The following MICAL3 variants were observed in gnomAD, a reference collection of about 807,000 sequenced individuals.
MICAL3 encodes the protein [F-actin]-monooxygenase MICAL3.
A neutral mutation model predicts 207.4 loss-of-function variants in MICAL3; 62 were observed. The observed-to-expected ratio is 0.30, with a 90% CI of 0.24 to 0.37. MICAL3 has a LOEUF of 0.37. Ranked by LOEUF, MICAL3 falls within the 10% of genes least tolerant of loss-of-function variation. MICAL3 has a pLI of 1.00. For synonymous variants in MICAL3, 1,077 were observed against 1,069.3 expected, an observed-to-expected ratio of 1.01 and a Z score of -0.14; for missense variants, 2,368 against 2,635.6, an observed-to-expected ratio of 0.90 and a Z score of 2.22.
intron 1 of MICAL3, among the ~76,000 whole-genome samples, chr22:17,980,082 G>C (rs1314659023): frequency 1.3e-5 from 2 of 151,106 alleles, no homozygotes; most frequent in African/African-American, 4.8e-5. Flanking sequence ...TCCCACCTTG[G>C]CCTCCCAAAG....
chr22:17,860,449 T>G (rs966791831), intron 19 of MICAL3: 1 of 985,364 alleles, frequency 1.0e-6, no homozygotes, highest in African/African-American at 1.7e-5. Flanking sequence ...CGGCTGGCTG[T>G]CCGCCCCTCC....
chr22:17,950,351 T>G (rs866068524), intron 1 of MICAL3, among the ~76,000 whole-genome samples: 1,857 of 147,506 alleles, frequency 0.013, 48 homozygotes, highest in African/African-American at 0.043. Context: ...TTTTTTTTTT[T>G]TTTTTTTTTG....
chr22:17,889,242 G>A lies in MICAL3; in HGVS notation c.1695-12C>T, dbSNP rs1468664257. The A allele has an allele frequency of 6.2e-7, 1 of 1,600,296 alleles. No homozygotes were observed. Among genetic ancestry groups the A allele is most frequent in the Non-Finnish European group, 8.6e-7 (1 of 1,168,052 alleles). On this transcript the variant is annotated splice_polypyrimidine_tract_variant and intron_variant, in intron 12 of 31. Coordinates refer to ENST00000441493, the MANE Select transcript of MICAL3 (RefSeq NM_015241.3). ...AAGAATCAAAATCTCTGAGAAACAG[G>A]ACAAGGAAAACATATCAAGATAGGT...
At chr22:17,964,829 A>C (rs1935071186) in intron 1 of MICAL3, among the ~76,000 whole-genome samples, 1 of 152,228 alleles carries the variant, frequency 6.6e-6, no homozygotes, top group African/African-American at 2.4e-5. Flanking sequence ...AAAAACCCCG[A>C]ATTGCTCAGC....
intron 1 of MICAL3, chr22:18,005,594 A>G (rs1362709179): frequency 2.0e-5 from 3 of 152,272 alleles, no homozygotes; most frequent in African/African-American, 7.2e-5. Context: ...GAAGACTTCT[A>G]TGAAGGGTGA....
At chr22:17,864,096 T>C (rs965137433) in intron 19 of MICAL3, 17 of 986,964 alleles carry the variant, frequency 1.7e-5, no homozygotes, top group African/African-American at 1.7e-5. Flanking sequence ...TTTTACAAGT[T>C]GCTGAGAGAG....
chr22:17,973,359 A>G (rs1935503443), intron 1 of MICAL3, among the ~76,000 whole-genome samples: 1 of 152,206 alleles, frequency 6.6e-6, no homozygotes, highest in African/African-American at 2.4e-5. Context: ...CTGAAATCTG[A>G]TAAGAGACTT....
chr22:17,901,832 A>C (rs1931345660), intron 5 of MICAL3, 46 bp downstream of exon 5: 2 of 1,443,424 alleles, frequency 1.4e-6, no homozygotes, highest in Non-Finnish European at 1.9e-6. Flanking sequence ...GGATAGCATC[A>C]GCTTTCCCTC....
chr22:17,860,104 C>A, intron 19 of MICAL3: 1 of 880,254 alleles, frequency 1.1e-6, no homozygotes, highest in African/African-American at 1.8e-5. Flanking sequence ...GAGCCTCCCC[C>A]TTTCCCACCC....
chr22:17,831,900 CTCT>C lies in MICAL3; in HGVS notation c.3006_3008del (p.Glu1007del). On this transcript the variant is annotated inframe_deletion, in exon 21 of 32. Transcript: ENST00000441493. ...CCTCGTCATAGTCCTCCTCCTCCTC[CTCT>C]TCATATTCTTCCTCCTCCTCCTCCT... 1.3e-6 allele frequency: 2 copies of C among 1,556,588 alleles called. No individual in the cohort carries two copies. The highest frequency in any genetic ancestry group is 1.4e-5 in the African/African-American group (1 of 73,360).
chr22:17,928,568 C>T (rs867084636), intron 1 of MICAL3, among the ~76,000 whole-genome samples: 10 of 152,144 alleles, frequency 6.6e-5, no homozygotes, highest in Admixed American at 1.3e-4. Context: ...TTCACATGTG[C>T]AAGGAGCACT....
chr22:17,834,482 G>A, intron 20 of MICAL3: 3 of 1,268,284 alleles, frequency 2.4e-6, no homozygotes, highest in Non-Finnish European at 3.1e-6. Flanking sequence ...GTGGGAGGCT[G>A]AGGTGGGTGG....
chr22:17,980,540 T>C (rs9605475), intron 1 of MICAL3, among the ~76,000 whole-genome samples: 40,825 of 151,980 alleles, frequency 0.27, 5,904 homozygotes, highest in African/African-American at 0.37. Context: ...AACACAGGAA[T>C]TGGACAGTCT....
intron 19 of MICAL3, among the ~76,000 whole-genome samples, chr22:17,854,363 G>A (rs540637711): frequency 3.3e-5 from 5 of 152,268 alleles, no homozygotes; most frequent in African/African-American, 1.2e-4. Flanking sequence ...TGGCTTAGAA[G>A]TTATATCAAG....
chr22:17,981,295 T>C, intron 1 of MICAL3, among the ~76,000 whole-genome samples: 1 of 152,090 alleles, frequency 6.6e-6, no homozygotes, highest in East Asian at 1.9e-4. Flanking sequence ...GATTTTTTTT[T>C]TTTTTTAATT....
Position 17,900,692 on chromosome 22 carries a change from T to A in MICAL3, c.847+150A>T. On this transcript the variant is annotated intron_variant, in intron 6 of 31. Transcript: ENST00000441493. The surrounding 1 kb of genome is among the most constrained non-coding windows in gnomAD (Gnocchi z 4.0). Reference sequence around the variant, plus strand: ...ACAAGTTCTGCAGGAAGCAATGCGCTAGGAAGAAGGAACAGGAGTGAAAAG... The same window carrying A: ...ACAAGTTCTGCAGGAAGCAATGCGCAAGGAAGAAGGAACAGGAGTGAAAAG... The A allele has an allele frequency of 3.2e-6, 2 of 632,716 alleles. No homozygotes were observed. 39.2% of individuals were successfully genotyped at this position (632,716 alleles called of 1,614,324 possible). A position where few individuals can be genotyped will look rare whatever the true frequency, so the allele number is the denominator to read the frequency against.
rs1421648279 is a variant in MICAL3 at position 17,820,910 on chromosome 22, A to ATGTT, written c.3531+516_3531+517insAACA. ...TATAAACATAAATTTTAATAAATTTATATTTATAAACATAAATTTTAATAA... is the reference window on the plus strand; with the variant it reads ...TATAAACATAAATTTTAATAAATTTATGTTTATTTATAAACATAAATTTTAATAA... On this transcript the variant is annotated intron_variant, in intron 25 of 31. Coordinates refer to ENST00000441493, the MANE Select transcript of MICAL3 (RefSeq NM_015241.3). Among the ~76,000 whole-genome samples the ATGTT allele has an allele frequency of 2.3e-3, 333 of 145,306 alleles. 3 individuals are homozygous for ATGTT. The highest frequency in any genetic ancestry group is 3.4e-3 in the Non-Finnish European group (222 of 65,940).
At chr22:17,877,135 GGGAGGTTATGGAGGTTAGGGAGGTTAT>G (rs1928674975) in intron 16 of MICAL3, among the ~76,000 whole-genome samples, 1 of 121,566 alleles carries the variant, frequency 8.2e-6, no homozygotes, top group Non-Finnish European at 1.6e-5. Flanking sequence ...ATGGAGGTTA[GGGAGGTTATGGAGGTTAGGGAGGTTAT>G]GGAGGTTAGG....
intron 1 of MICAL3, among the ~76,000 whole-genome samples, chr22:17,997,974 T>A (rs1478274956): frequency 6.6e-6 from 1 of 151,962 alleles, no homozygotes; most frequent in Admixed American, 6.6e-5. Flanking sequence ...GTGGATTTTT[T>A]CCCCCTAAAG....
Sources: gnomAD v4.1 joint callset for allele counts (sites outside exome capture counted in the v4.1 genomes callset) on GRCh38, gnomAD v4.1.1 for gene constraint, Gnocchi (gnomAD v3.1) non-coding constraint, MANE v1.5 for transcripts, NCBI Gene and HGNC (gene_info 2026-07-23, HGNC 2026-07-21) for gene names.